Variants in RHEB observed in about 807,000 individuals in gnomAD.
The protein encoded by RHEB is Ras homolog, mTORC1 binding, also known as GTP-binding protein Rheb.
A neutral mutation model predicts 28.8 loss-of-function variants in RHEB; 2 were observed. The observed-to-expected ratio is 0.07, with a 90% CI of 0.03 to 0.22. The LOEUF is 0.22. Among genes scored for constraint, RHEB ranks in the 10% least tolerant of loss-of-function variants. The pLI is 1.00. For missense variants in RHEB, 76 were observed against 219.9 expected (o/e 0.35, Z 4.14); for synonymous variants, 69 against 77.3 (o/e 0.89, Z 0.56).
At position 151,493,161 on chromosome 7, in the gene RHEB, G is replaced by A. The variant is rs761764409; in HGVS notation, c.53-2147C>T. On this transcript the variant is annotated intron_variant, in intron 1 of 7. Transcript: ENST00000262187. ...TGCCCTAAATTCCCAGCTTCTAACC[G>A]TGGCCCACAAACACCAGGCCATCCC... 5.3e-5 allele frequency among the ~76,000 whole-genome samples: 8 copies of A among 151,992 alleles called. No homozygotes were observed. The East Asian group carries it at 7.7e-4, about 15-fold the overall frequency.
chr7:151,473,473 G>C (rs1382193885), intron 4 of RHEB, among the ~76,000 whole-genome samples: 2 of 152,160 alleles, frequency 1.3e-5, no homozygotes, highest in African/African-American at 2.4e-5. Flanking sequence ...CCAGATTCCT[G>C]ACCCACAAAA....
chr7:151,469,124 C>G (rs368040270), intron 7 of RHEB, among the ~76,000 whole-genome samples: 13 of 152,120 alleles, frequency 8.5e-5, no homozygotes, highest in African/African-American at 3.1e-4. Context: ...CGATAAATCC[C>G]TTGCTATCTG....
chr7:151,502,936 T>A, intron 1 of RHEB: 1 of 788,252 alleles, frequency 1.3e-6, no homozygotes, highest in Non-Finnish European at 2.3e-6. Context: ...CCTATGGTGG[T>A]GAAAATGGAT....
Position 151,479,675 on chromosome 7 carries a change from T to A in RHEB, c.193-2260A>T, listed in dbSNP as rs1584851479. 2.7e-5 allele frequency among the ~76,000 whole-genome samples: 3 copies of A among 109,552 alleles called. No homozygotes were observed. The Admixed American group carries it at 3.3e-4, about 12-fold the overall frequency. The allele number at this position is 109,552 out of a possible 152,430, so 71.9% of individuals were successfully genotyped here. Reference sequence around the variant, plus strand: ...TCCAGCCTGGGCGATAGAGCGAGACTCCGTCTCAAAAAAAAAAAAAAAAAG... The same window carrying A: ...TCCAGCCTGGGCGATAGAGCGAGACACCGTCTCAAAAAAAAAAAAAAAAAG... On this transcript the variant is annotated intron_variant, in intron 3 of 7. Transcript: ENST00000262187.
chr7:151,470,897 A>G (rs1302506996), intron 6 of RHEB, among the ~76,000 whole-genome samples: 1 of 152,232 alleles, frequency 6.6e-6, no homozygotes, highest in Non-Finnish European at 1.5e-5. Flanking sequence ...CAGCTCAGAG[A>G]ACATGATCTT....
intron 1 of RHEB, among the ~76,000 whole-genome samples, chr7:151,513,609 T>C (rs1803028113): frequency 6.6e-6 from 1 of 152,192 alleles, no homozygotes; most frequent in Non-Finnish European, 1.5e-5. Flanking sequence ...TGGTAGAAGA[T>C]CCATTCCAAG....
chr7:151,472,463 G>A lies in RHEB; in HGVS notation c.276-858C>T, dbSNP rs1387900195. Among the ~76,000 whole-genome samples, 4 of 152,104 alleles carry A rather than the reference G, an allele frequency of 2.6e-5. No homozygotes were observed. The highest frequency in any genetic ancestry group is 6.6e-5 in the Admixed American group (1 of 15,264). On this transcript the variant is annotated intron_variant, in intron 4 of 7. Coordinates refer to ENST00000262187, the MANE Select transcript of RHEB (RefSeq NM_005614.4). This position sits in a 1 kb window ranked among gnomAD's most constrained non-coding sequence, Gnocchi z 5.2. The stretch of plus-strand genomic sequence containing the variant: ...ACTCGGCCCCAGTGACTCTCAAGCC[G>A]CAAACTTCTGACCTCGTGATCCGCC...
At chr7:151,500,719 G>A (rs1802758717) in intron 1 of RHEB, among the ~76,000 whole-genome samples, 1 of 152,052 alleles carries the variant, frequency 6.6e-6, no homozygotes, top group African/African-American at 2.4e-5. Context: ...AGAGAAGCTT[G>A]GTTTGTATCC....
chr7:151,519,251 G>A (rs1350389762), intron 1 of RHEB: 3 of 231,744 alleles, frequency 1.3e-5, no homozygotes, highest in South Asian at 1.7e-4. Context: ...GCCCGCGGAG[G>A]GCGCCCAGCT....
chr7:151,500,606 A>G (rs6951071), intron 1 of RHEB, among the ~76,000 whole-genome samples: 5,486 of 152,262 alleles, frequency 0.036, 290 homozygotes, highest in African/African-American at 0.12. Flanking sequence ...CACACTTTGG[A>G]GCCAAGGTGC....
At chr7:151,495,484 G>A (rs1448016151) in intron 1 of RHEB, among the ~76,000 whole-genome samples, 2 of 152,100 alleles carry the variant, frequency 1.3e-5, no homozygotes, top group Non-Finnish European at 2.9e-5. Context: ...TTTTTCCAAT[G>A]ATAAAATGGC....
At position 151,474,687 on chromosome 7, in the gene RHEB, A is replaced by G. The variant is rs1421565534; in HGVS notation, c.275+2646T>C. On this transcript the variant is annotated intron_variant, in intron 4 of 7. Coordinates refer to ENST00000262187, the MANE Select transcript of RHEB (RefSeq NM_005614.4). Reference sequence around the variant, plus strand: ...TTCTAGAAATTATGAAATAGGATGTATTTTCGCTTTATTTACTCAGAAAGA... The same window carrying G: ...TTCTAGAAATTATGAAATAGGATGTGTTTTCGCTTTATTTACTCAGAAAGA... 3.9e-5 allele frequency among the ~76,000 whole-genome samples: 6 copies of G among 152,132 alleles called. No individual in the cohort carries two copies. The South Asian group carries it at 1.2e-3, about 32-fold the overall frequency.
At chr7:151,470,994 C>T (rs1312147112) in intron 6 of RHEB, among the ~76,000 whole-genome samples, 1 of 152,224 alleles carries the variant, frequency 6.6e-6, no homozygotes, top group Non-Finnish European at 1.5e-5. Context: ...TGTGAAAGAG[C>T]CTGAAAGCTC....
intron 1 of RHEB, chr7:151,498,265 G>A: frequency 1.6e-6 from 1 of 626,766 alleles, no homozygotes; most frequent in Non-Finnish European, 2.6e-6. Flanking sequence ...CTAACTTTAG[G>A]GGAAACATCA....
At chr7:151,495,994 C>T (rs1254231598) in intron 1 of RHEB, among the ~76,000 whole-genome samples, 4 of 152,154 alleles carry the variant, frequency 2.6e-5, no homozygotes, top group Non-Finnish European at 4.4e-5. Context: ...ATTGCTTGTT[C>T]ATTGGGATAT....
At chr7:151,475,062 C>G (rs565145418) in intron 4 of RHEB, among the ~76,000 whole-genome samples, 1 of 152,178 alleles carries the variant, frequency 6.6e-6, no homozygotes, top group Non-Finnish European at 1.5e-5. Context: ...TCAAAACTTG[C>G]AACAGTGCCA....
intron 1 of RHEB, among the ~76,000 whole-genome samples, chr7:151,497,447 A>T (rs985390936): frequency 4.6e-5 from 7 of 152,198 alleles, no homozygotes; most frequent in Non-Finnish European, 8.8e-5. Context: ...CAGCAAGTTC[A>T]ACTATTATCA....
At chr7:151,503,108 G>A (rs958755367) in intron 1 of RHEB, 6 of 811,896 alleles carry the variant, frequency 7.4e-6, no homozygotes, top group Admixed American at 6.8e-5. Context: ...GGGAGCTGTA[G>A]AAATTCTAAT....
At chr7:151,478,387 G>GAA (rs558537520) in intron 3 of RHEB, among the ~76,000 whole-genome samples, 5 of 115,618 alleles carry the variant, frequency 4.3e-5, no homozygotes, top group African/African-American at 1.5e-4. Context: ...GTTCTTTAAA[G>GAA]AAAAAAAAAA....
Sources: allele counts gnomAD v4.1 joint callset (sites outside exome capture counted in the v4.1 genomes callset), GRCh38; gene constraint gnomAD v4.1.1; non-coding constraint Gnocchi (gnomAD v3.1); transcripts MANE v1.5; gene names NCBI Gene and HGNC (gene_info 2026-07-23, HGNC 2026-07-21).